Variants in PCGF5 observed in about 807,000 individuals in gnomAD.
The protein encoded by PCGF5 is polycomb group ring finger 5, also known as polycomb group RING finger protein 5.
In PCGF5, 9 loss-of-function variants were observed where a neutral mutation model predicts 44.3. The observed-to-expected ratio is 0.20, with a 90% CI of 0.12 to 0.35. The LOEUF (loss-of-function observed/expected upper bound fraction) is 0.35, where lower values mean the gene tolerates loss of function less well. Among genes scored for constraint, PCGF5 ranks in the 10% least tolerant of loss-of-function variants. PCGF5 has a pLI of 1.00. For synonymous variants in PCGF5, 95 were observed against 102.5 expected, an observed-to-expected ratio of 0.93 and a Z score of 0.44; for missense variants, 146 against 305.3, an observed-to-expected ratio of 0.48 and a Z score of 3.89.
intron 1 of PCGF5, among the ~76,000 whole-genome samples, chr10:91,190,412 C>T (rs1204696403): frequency 6.6e-6 from 1 of 152,100 alleles, no homozygotes; most frequent in East Asian, 1.9e-4. Flanking sequence ...TGTGATGTGT[C>T]GCTAAAGGTC....
intron 2 of PCGF5, chr10:91,227,471 C>G: frequency 2.3e-6 from 3 of 1,283,614 alleles, no homozygotes; most frequent in Non-Finnish European, 3.0e-6. Flanking sequence ...ACTCTTTACC[C>G]TCACTAACAA....
At position 91,222,904 on chromosome 10, in the gene PCGF5, T is replaced by C; in HGVS notation, c.33T>C (p.Asp11=). 1 of 1,613,548 alleles carries C rather than the reference T, an allele frequency of 6.2e-7. No individual in the cohort carries two copies. The highest frequency in any genetic ancestry group is 8.5e-7 in the Non-Finnish European group (1 of 1,179,462). Residue 11 remains aspartate, a synonymous_variant, in exon 2 of 10, where the codon GAT becomes GAC. Transcript: ENST00000336126. MATQRKHLVK[D]FNPYITCYIC... Reference sequence around the variant, plus strand: ...CCCAAAGGAAACACTTGGTGAAAGATTTTAATCCTTACATTACCTGCTATA... The same window carrying C: ...CCCAAAGGAAACACTTGGTGAAAGACTTTAATCCTTACATTACCTGCTATA...
At chr10:91,191,338 A>C (rs113214927) in intron 1 of PCGF5, among the ~76,000 whole-genome samples, 19 of 152,344 alleles carry the variant, frequency 1.2e-4, no homozygotes, top group African/African-American at 4.3e-4. Context: ...TGAGTGACTA[A>C]GAATGGTGGC....
chr10:91,164,215 A>C (rs1843453175), intron 1 of PCGF5, among the ~76,000 whole-genome samples: 2 of 152,190 alleles, frequency 1.3e-5, no homozygotes, highest in Admixed American at 6.5e-5. Context: ...GCAAAAGGAC[A>C]GCGGGGTCCC....
intron 1 of PCGF5, among the ~76,000 whole-genome samples, chr10:91,181,219 T>C (rs1241965605): frequency 2.0e-5 from 3 of 152,260 alleles, no homozygotes; most frequent in Non-Finnish European, 4.4e-5. Flanking sequence ...ATTCTGAGGT[T>C]TGCTGAAGTT....
At chr10:91,276,905 C>T (rs1714770512) in intron 9 of PCGF5, among the ~76,000 whole-genome samples, 1 of 152,208 alleles carries the variant, frequency 6.6e-6, no homozygotes, top group African/African-American at 2.4e-5. Flanking sequence ...GCTTCAGAAA[C>T]ATCCAGAGTT....
intron 1 of PCGF5, among the ~76,000 whole-genome samples, chr10:91,208,014 A>C (rs906343457): frequency 1.3e-5 from 2 of 152,232 alleles, no homozygotes; most frequent in African/African-American, 4.8e-5. Context: ...AATTTTAATT[A>C]CATGAAATTA....
chr10:91,224,990 C>T (rs1242237794), intron 2 of PCGF5, among the ~76,000 whole-genome samples: 1 of 151,890 alleles, frequency 6.6e-6, no homozygotes, highest in African/African-American at 2.4e-5. Flanking sequence ...TTGGATTCAT[C>T]CAGCAAAAAC....
intron 1 of PCGF5, among the ~76,000 whole-genome samples, chr10:91,204,333 T>TA (rs1382131850): frequency 3.9e-5 from 4 of 102,746 alleles, no homozygotes; most frequent in Non-Finnish European, 8.6e-5. Context: ...AGGTTTTCAT[T>TA]TAAAAAAAAA....
At chr10:91,261,818 T>G (rs1192763968) in intron 7 of PCGF5, among the ~76,000 whole-genome samples, 1 of 152,246 alleles carries the variant, frequency 6.6e-6, no homozygotes, top group African/African-American at 2.4e-5. Context: ...CATTGTCTTT[T>G]TATCACAAGG....
At chr10:91,201,171 A>T (rs756571185) in intron 1 of PCGF5, among the ~76,000 whole-genome samples, 3 of 152,168 alleles carry the variant, frequency 2.0e-5, no homozygotes, top group Non-Finnish European at 4.4e-5. Context: ...TTATAAAGGA[A>T]AGAAATGTAT....
At chr10:91,183,474 A>G (rs1465744753) in intron 1 of PCGF5, among the ~76,000 whole-genome samples, 1 of 151,416 alleles carries the variant, frequency 6.6e-6, no homozygotes, top group Non-Finnish European at 1.5e-5. Flanking sequence ...CATGTGAGGT[A>G]GGTCTCTTGA....
At position 91,280,029 on chromosome 10, in the gene PCGF5, G is replaced by A. The variant is rs1589417512; in HGVS notation, c.*1713G>A. On this transcript the variant is annotated 3_prime_UTR_variant, in exon 10 of 10. Transcript: ENST00000336126. ...TGTTGTTCCAACTTTGGTGAAAAAGGTTATGGCAATACTTTAACTTTGTTT... is the reference window on the plus strand; with the variant it reads ...TGTTGTTCCAACTTTGGTGAAAAAGATTATGGCAATACTTTAACTTTGTTT... 6.6e-6 allele frequency: 1 copy of A among 151,890 alleles called. No homozygotes were observed. Among genetic ancestry groups the A allele is most frequent in the Non-Finnish European group, 1.5e-5 (1 of 67,866 alleles). 9.4% of individuals were successfully genotyped at this position (151,890 alleles called of 1,614,324 possible).
intron 2 of PCGF5, among the ~76,000 whole-genome samples, chr10:91,230,558 A>G (rs1161811645): frequency 1.3e-5 from 2 of 152,172 alleles, no homozygotes; most frequent in African/African-American, 4.8e-5. Context: ...AACCACTGAC[A>G]TTCAATTAAT....
chr10:91,212,454 C>T (rs1844469061), intron 1 of PCGF5, among the ~76,000 whole-genome samples: 2 of 152,126 alleles, frequency 1.3e-5, no homozygotes, highest in African/African-American at 4.8e-5. Flanking sequence ...TCACAGAGAA[C>T]TCTTATTCTG....
chr10:91,243,740 AT>A (rs1845387104), intron 3 of PCGF5, among the ~76,000 whole-genome samples: 1 of 152,198 alleles, frequency 6.6e-6, no homozygotes, highest in South Asian at 2.1e-4. Flanking sequence ...ATATAACTTT[AT>A]TGTTCAATAA....
At chr10:91,252,706 G>C (rs564195381) in intron 6 of PCGF5, among the ~76,000 whole-genome samples, 1 of 152,074 alleles carries the variant, frequency 6.6e-6, no homozygotes, top group African/African-American at 2.4e-5. Flanking sequence ...TTTTCATAGA[G>C]TTCATGGTCA....
chr10:91,205,212 T>G (rs993198986), intron 1 of PCGF5, among the ~76,000 whole-genome samples: 1 of 152,140 alleles, frequency 6.6e-6, no homozygotes, highest in African/African-American at 2.4e-5. Context: ...TCATCCAGCC[T>G]TGAGCGCAAT....
intron 1 of PCGF5, among the ~76,000 whole-genome samples, chr10:91,188,029 A>T (rs1843958572): frequency 6.6e-6 from 1 of 151,898 alleles, no homozygotes; most frequent in South Asian, 2.1e-4. Flanking sequence ...CACAATGTGC[A>T]GGTTAGTTAC....
Sources: gnomAD v4.1 joint callset for allele counts (sites outside exome capture counted in the v4.1 genomes callset) on GRCh38, gnomAD v4.1.1 for gene constraint, MANE v1.5 for transcripts, NCBI Gene and HGNC (gene_info 2026-07-23, HGNC 2026-07-21) for gene names.